The following SNAP91 variants were observed in gnomAD, a reference collection of about 807,000 sequenced individuals.
SNAP91 encodes the protein synaptosome associated protein 91.
In SNAP91, 27 loss-of-function variants were observed where a neutral mutation model predicts 100.3. The observed-to-expected ratio is 0.27, with a 90% confidence interval of 0.20 to 0.37. The LOEUF (loss-of-function observed/expected upper bound fraction) is 0.37, where lower values mean the gene tolerates loss of function less well. SNAP91 is among the 10% of genes least tolerant of loss of function. SNAP91 has a pLI of 1.00. For synonymous variants in SNAP91, 404 were observed against 398.6 expected (o/e 1.01, Z -0.16); for missense variants, 986 against 1,123.7 (o/e 0.88, Z 1.75).
intron 23 of SNAP91, among the ~76,000 whole-genome samples, 167 bp from the exon 24 acceptor site, chr6:83,580,766 T>A (rs948363907): frequency 6.6e-6 from 1 of 152,160 alleles, no homozygotes; most frequent in Non-Finnish European, 1.5e-5. Flanking sequence ...AAGAAGAACA[T>A]GTCGACATAT....
chr6:83,569,827 C>T (rs1425063050), intron 26 of SNAP91, among the ~76,000 whole-genome samples: 1 of 152,150 alleles, frequency 6.6e-6, no homozygotes, highest in East Asian at 1.9e-4. Flanking sequence ...TGCTGTCATC[C>T]ATGTAAGATG....
chr6:83,601,391 C>G lies in SNAP91; in HGVS notation c.1204G>C (p.Asp402His). 1 of 1,613,554 alleles carries G rather than the reference C, an allele frequency of 6.2e-7. No homozygotes were observed. Among genetic ancestry groups the G allele is most frequent in the Non-Finnish European group, 8.5e-7 (1 of 1,179,780 alleles). Residue 402 changes from aspartate to histidine, a missense_variant, in exon 16 of 30, where the codon GAT (aspartate) becomes CAT (histidine). Coordinates refer to ENST00000369694, the MANE Select transcript of SNAP91 (RefSeq NM_001242792.2). ...SSVPSEAQIS[D>H]PFAPEPTPPT... ...GGGGTAGGTTCTGGTGCAAATGGAT[C>G]TGAAATCTGTGCTTCAGAGGGAACA...
At chr6:83,688,447 T>A (rs1001468203) in intron 2 of SNAP91, among the ~76,000 whole-genome samples, 11 of 151,986 alleles carry the variant, frequency 7.2e-5, no homozygotes, top group Non-Finnish European at 1.5e-4. Context: ...CCATGTCTAG[T>A]CATGCTTCTT....
intron 14 of SNAP91, 36 bp from the exon 15 acceptor site, chr6:83,601,635 A>G (rs750209844): frequency 6.2e-7 from 1 of 1,607,770 alleles, no homozygotes; most frequent in South Asian, 1.1e-5. Context: ...ATAAGAATAA[A>G]TAAGAGCTAA....
intron 2 of SNAP91, among the ~76,000 whole-genome samples, chr6:83,674,077 G>A (rs2098826325): frequency 6.6e-6 from 1 of 152,090 alleles, no homozygotes; most frequent in Non-Finnish European, 1.5e-5. Flanking sequence ...TGTTTGTTTT[G>A]TTTTTAACTG....
chr6:83,699,059 C>T (rs1319024567), intron 2 of SNAP91, among the ~76,000 whole-genome samples: 1 of 152,134 alleles, frequency 6.6e-6, no homozygotes, highest in African/African-American at 2.4e-5. Context: ...AATTCAACTT[C>T]AGGTGCTCTC....
chr6:83,594,301 T>G (rs756904188), intron 17 of SNAP91, 73 bp downstream of exon 17: 2 of 1,118,682 alleles, frequency 1.8e-6, no homozygotes, highest in Non-Finnish European at 1.3e-6. Context: ...GAAAAACATA[T>G]GGCCTCTTCT....
chr6:83,638,934 T>C (rs910108277), intron 8 of SNAP91, among the ~76,000 whole-genome samples: 2 of 152,180 alleles, frequency 1.3e-5, no homozygotes, highest in Non-Finnish European at 2.9e-5. Flanking sequence ...GAAATATATC[T>C]TACCAGTAAA....
chr6:83,624,939 C>A (rs888643567), intron 8 of SNAP91, among the ~76,000 whole-genome samples: 3 of 152,004 alleles, frequency 2.0e-5, no homozygotes, highest in Non-Finnish European at 4.4e-5. Context: ...AGATTTGTTA[C>A]AAGGGTACAT....
intron 13 of SNAP91, among the ~76,000 whole-genome samples, chr6:83,606,100 C>T (rs2095597152): frequency 6.6e-6 from 1 of 152,124 alleles, no homozygotes; most frequent in South Asian, 2.1e-4. Context: ...ATCAACATGT[C>T]TTTGTTCAAA....
At chr6:83,631,445 AG>A (rs1256986346) in intron 8 of SNAP91, among the ~76,000 whole-genome samples, 1 of 152,130 alleles carries the variant, frequency 6.6e-6, no homozygotes, top group African/African-American at 2.4e-5. Flanking sequence ...GGAGTATTGA[AG>A]TCCCCCACTA....
At chr6:83,606,117 T>G (rs1451917761) in intron 13 of SNAP91, among the ~76,000 whole-genome samples, 2 of 152,168 alleles carry the variant, frequency 1.3e-5, no homozygotes, top group Non-Finnish European at 2.9e-5. Context: ...CAAATAAAAC[T>G]TTATTTACAA....
chr6:83,687,122 G>A (rs998100114), intron 2 of SNAP91, among the ~76,000 whole-genome samples: 3 of 152,114 alleles, frequency 2.0e-5, no homozygotes, highest in South Asian at 4.1e-4. Context: ...TAACCCTTTA[G>A]CCTGCTGATA....
intron 8 of SNAP91, among the ~76,000 whole-genome samples, chr6:83,636,273 ACTCT>A (rs1402424989): frequency 2.0e-5 from 3 of 151,724 alleles, no homozygotes; most frequent in Admixed American, 6.6e-5. Context: ...CAAGTTGCTC[ACTCT>A]CTCTTCTCTC....
In SNAP91 at chr6:83,666,412, T is replaced by C. The variant is rs947005759; in HGVS notation, c.131-831A>G. On this transcript the variant is annotated intron_variant, in intron 2 of 29. Coordinates refer to ENST00000369694, the MANE Select transcript of SNAP91 (RefSeq NM_001242792.2). Reference sequence around the variant, plus strand: ...ACTTCCAACAGTACAGGATGACCTCTTCAGGACAGCAGACACTGCATGACT... The same window carrying C: ...ACTTCCAACAGTACAGGATGACCTCCTCAGGACAGCAGACACTGCATGACT... Among the ~76,000 whole-genome samples the C allele has an allele frequency of 3.9e-5, 6 of 152,194 alleles. No individual in the cohort carries two copies. The South Asian group carries it at 6.2e-4, about 16-fold the overall frequency.
chr6:83,673,578 CAA>C (rs921350744), intron 2 of SNAP91, among the ~76,000 whole-genome samples: 32 of 152,200 alleles, frequency 2.1e-4, no homozygotes, highest in African/African-American at 7.0e-4. Context: ...TAACAACAAT[CAA>C]AGAGTTCAAA....
chr6:83,592,555 ACAGGAAAAAGTG>A lies in SNAP91; in HGVS notation c.1847-29_1847-18del. Reference sequence around the variant, plus strand: ...ATGCATCCACTGCAGTGAAGCACAGACAGGAAAAAGTGCATGTCACCCAAGGGAAAAGAAAAC... The same window carrying A: ...ATGCATCCACTGCAGTGAAGCACAGACATGTCACCCAAGGGAAAAGAAAAC... On this transcript the variant is annotated intron_variant, in intron 20 of 29. Coordinates refer to ENST00000369694, the MANE Select transcript of SNAP91 (RefSeq NM_001242792.2). 6.3e-7 allele frequency: 1 copy of A among 1,593,914 alleles called. No homozygotes were observed. The highest frequency in any genetic ancestry group is 8.6e-7 in the Non-Finnish European group (1 of 1,169,020).
Position 83,672,007 on chromosome 6 carries a change from G to A in SNAP91, c.131-6426C>T, listed in dbSNP as rs181140215. On this transcript the variant is annotated intron_variant, in intron 2 of 29. Coordinates refer to ENST00000369694, the MANE Select transcript of SNAP91 (RefSeq NM_001242792.2). The stretch of plus-strand genomic sequence containing the variant: ...CTGTCACTTGCTCAAAACCCCCTGG[G>A]GCCTACTGCTGTCCATTTAATAAAA... Among the ~76,000 whole-genome samples, 128 of 151,890 alleles carry A rather than the reference G, an allele frequency of 8.4e-4. No individual in the cohort carries two copies. In the Middle Eastern group the frequency reaches 0.014, roughly 16 times the overall value.
At chr6:83,575,208 T>C in intron 25 of SNAP91, 87 bp from the exon 26 acceptor site, 3 of 948,924 alleles carry the variant, frequency 3.2e-6, no homozygotes, top group Non-Finnish European at 4.9e-6. Context: ...TTATTTTATT[T>C]GGGTTTAAAA....
Sources: gnomAD v4.1 joint callset for allele counts (sites outside exome capture counted in the v4.1 genomes callset) on GRCh38, gnomAD v4.1.1 for gene constraint, MANE v1.5 for transcripts, NCBI Gene and HGNC (gene_info 2026-07-23, HGNC 2026-07-21) for gene names.